The following SMCHD1 variants were observed in gnomAD, a reference collection of about 807,000 sequenced individuals.
SMCHD1 encodes structural maintenance of chromosomes flexible hinge domain-containing protein 1.
In SMCHD1, 78 loss-of-function variants were observed where a neutral mutation model predicts 254.7. The ratio of observed to expected loss-of-function variants is 0.31; its 90% CI spans 0.26 to 0.37. The LOEUF (loss-of-function observed/expected upper bound fraction) is 0.37. SMCHD1 is among the 10% of genes least tolerant of loss of function. The pLI, the probability that SMCHD1 is intolerant of heterozygous loss-of-function variation, is 1.00. For missense variants in SMCHD1, 1,840 were observed against 2,408.1 expected, an observed-to-expected ratio of 0.76 and a Z score of 4.94; for synonymous variants, 766 against 794.9, an observed-to-expected ratio of 0.96 and a Z score of 0.61.
chr18:2,790,741 A>G (rs1451826866), intron 45 of SMCHD1, among the ~76,000 whole-genome samples: 2 of 152,254 alleles, frequency 1.3e-5, no homozygotes, highest in Non-Finnish European at 2.9e-5. Flanking sequence ...TGTCTGGGCA[A>G]CAGAGCGAGA....
chr18:2,711,131 G>T (rs1227348890), intron 17 of SMCHD1, among the ~76,000 whole-genome samples: 1 of 151,242 alleles, frequency 6.6e-6, no homozygotes, highest in Non-Finnish European at 1.5e-5. Flanking sequence ...CATGCTCATT[G>T]CACCCAGCTA....
chr18:2,727,152 C>T (rs960293784), intron 22 of SMCHD1: 2 of 152,082 alleles, frequency 1.3e-5, no homozygotes, highest in Non-Finnish European at 2.9e-5. Context: ...TTCTGTAGTA[C>T]TCAATGGAGG....
chr18:2,788,342 T>C (rs2076270827), intron 45 of SMCHD1, among the ~76,000 whole-genome samples: 1 of 152,232 alleles, frequency 6.6e-6, no homozygotes, highest in South Asian at 2.1e-4. Flanking sequence ...ATGATCGTAT[T>C]TACTGCTGTT....
intron 39 of SMCHD1, 39 bp from the exon 40 acceptor site, chr18:2,771,494 T>C: frequency 2.2e-6 from 3 of 1,391,532 alleles, no homozygotes; most frequent in Admixed American, 2.4e-5. Flanking sequence ...ATTTGGGGGC[T>C]ATCAGAAATT....
intron 5 of SMCHD1, among the ~76,000 whole-genome samples, chr18:2,678,325 A>T (rs1419432698): frequency 8.9e-6 from 1 of 112,722 alleles, no homozygotes; most frequent in Non-Finnish European, 1.7e-5. Context: ...TTTGAGACAG[A>T]GTCTTTGCTT....
rs113015060 is a variant in SMCHD1 at position 2,727,910 on chromosome 18, G to A, written c.2774-547G>A. ...TTTTAAAATATCAGTGTTTATGAACGAATCAGACTGGCTTACTGTAGAAGT... is the reference window on the plus strand; with the variant it reads ...TTTTAAAATATCAGTGTTTATGAACAAATCAGACTGGCTTACTGTAGAAGT... On this transcript the variant is annotated intron_variant, in intron 22 of 47. Transcript: ENST00000320876. Among the ~76,000 whole-genome samples, 879 of 152,086 alleles carry A rather than the reference G, an allele frequency of 5.8e-3. 10 individuals carry two copies. Among genetic ancestry groups the A allele is most frequent in the African/African-American group, 0.02 (840 of 41,538 alleles).
chr18:2,772,476 T>A, intron 41 of SMCHD1, 104 bp downstream of exon 41: 1 of 1,011,230 alleles, frequency 9.9e-7, no homozygotes, highest in Non-Finnish European at 1.4e-6. Flanking sequence ...TCTTTGTAAT[T>A]TACTTCTTTC....
chr18:2,771,473 C>A (rs886208234), intron 39 of SMCHD1, 60 bp from the exon 40 acceptor site: 40 of 1,279,796 alleles, frequency 3.1e-5, no homozygotes, highest in South Asian at 1.7e-4. Flanking sequence ...AAATATTTTT[C>A]AAAAACTATG....
intron 5 of SMCHD1, among the ~76,000 whole-genome samples, chr18:2,685,084 T>TCTGTC (rs1306844560): frequency 6.8e-6 from 1 of 147,330 alleles, no homozygotes; most frequent in Admixed American, 7.1e-5. Flanking sequence ...ACTGTTCTGT[T>TCTGTC]CTGTCCCTTA....
chr18:2,667,810 C>G (rs1201478052), intron 3 of SMCHD1, among the ~76,000 whole-genome samples: 1 of 152,052 alleles, frequency 6.6e-6, no homozygotes, highest in Non-Finnish European at 1.5e-5. Context: ...AAGTGAACAT[C>G]TTTTAATATA....
chr18:2,775,257 G>A (rs1245949078), intron 41 of SMCHD1, among the ~76,000 whole-genome samples: 1 of 151,302 alleles, frequency 6.6e-6, no homozygotes, highest in African/African-American at 2.4e-5. Context: ...TTTTCTGAAA[G>A]GAATACTATA....
intron 5 of SMCHD1, among the ~76,000 whole-genome samples, chr18:2,683,933 T>C (rs1598309686): frequency 6.6e-6 from 1 of 152,292 alleles, no homozygotes; most frequent in African/African-American, 2.4e-5. Flanking sequence ...GGGTTTCTTA[T>C]AGACAACATA....
intron 30 of SMCHD1, among the ~76,000 whole-genome samples, chr18:2,749,153 G>A (rs2075524219): frequency 6.6e-6 from 1 of 152,272 alleles, no homozygotes; most frequent in African/African-American, 2.4e-5. Context: ...TGAGAAAGAT[G>A]GGTTGAGAGA....
chr18:2,789,015 T>TTTTG (rs148828025), intron 45 of SMCHD1, among the ~76,000 whole-genome samples: 15 of 151,836 alleles, frequency 9.9e-5, no homozygotes, highest in Middle Eastern at 6.8e-3. Context: ...GTTTTTCTTT[T>TTTTG]TTTGTTTGTT....
At chr18:2,743,130 A>G (rs2075382636) in intron 28 of SMCHD1, among the ~76,000 whole-genome samples, 1 of 152,222 alleles carries the variant, frequency 6.6e-6, no homozygotes, top group Non-Finnish European at 1.5e-5. Flanking sequence ...CCAGTGTGGA[A>G]TCATTCAGTC....
In SMCHD1 at chr18:2,697,813, G is replaced by T. The variant is rs1283446337; in HGVS notation, c.1132-18G>T. 3 of 1,509,596 alleles carry T rather than the reference G, an allele frequency of 2.0e-6. No homozygotes were observed. Among genetic ancestry groups the T allele is most frequent in the Non-Finnish European group, 1.8e-6 (2 of 1,090,176 alleles). The allele number at this position is 1,509,596 out of a possible 1,614,324, so 93.5% of individuals were successfully genotyped here. ...GTTACCATAGAATTTAATTATTTTT[G>T]TTTCCTTTTTATTTTAGATTTCTAT... On this transcript the variant is annotated intron_variant, in intron 9 of 47. Transcript: ENST00000320876.
At chr18:2,778,120 G>A in intron 43 of SMCHD1, 49 bp from the exon 44 acceptor site, 2 of 1,388,096 alleles carry the variant, frequency 1.4e-6, no homozygotes, top group Admixed American at 2.0e-5. Flanking sequence ...TTTTAATATG[G>A]CCAAGGAAAA....
intron 8 of SMCHD1, among the ~76,000 whole-genome samples, chr18:2,696,679 T>C (rs187428613): frequency 5.9e-5 from 9 of 152,352 alleles, no homozygotes; most frequent in Admixed American, 5.2e-4. Context: ...AGTAGAATTA[T>C]AGACTCTTGC....
chr18:2,771,019 T>C (rs2075974658), intron 39 of SMCHD1, among the ~76,000 whole-genome samples: 1 of 152,210 alleles, frequency 6.6e-6, no homozygotes, highest in East Asian at 1.9e-4. Flanking sequence ...ATTTGTCATA[T>C]TTTTTTGCTA....
Sources: gnomAD v4.1 joint callset for allele counts (sites outside exome capture counted in the v4.1 genomes callset) on GRCh38, gnomAD v4.1.1 for gene constraint, MANE v1.5 for transcripts, NCBI Gene and HGNC (gene_info 2026-07-23, HGNC 2026-07-21) for gene names.